TTYH3: variants seen among roughly 807,000 people sequenced by gnomAD.
TTYH3 encodes the protein protein tweety homolog 3.
TTYH3 carries 23 observed loss-of-function variants against 68.2 expected under a neutral mutation model. The observed-to-expected ratio is 0.34, with a 90% CI of 0.24 to 0.48. The LOEUF (loss-of-function observed/expected upper bound fraction) is 0.48, where lower values mean the gene tolerates loss of function less well. Among genes scored for constraint, TTYH3 ranks in the 20% least tolerant of loss-of-function variants. The pLI is 0.99. For missense variants in TTYH3, 768 were observed against 727.7 expected, an observed-to-expected ratio of 1.06 and a Z score of -0.64; for synonymous variants, 360 against 332.8, an observed-to-expected ratio of 1.08 and a Z score of -0.89.
chr7:2,658,213 C>T, intron 11 of TTYH3, 73 bp from the exon 12 acceptor site: 8 of 1,405,258 alleles, frequency 5.7e-6, no homozygotes, highest in Non-Finnish European at 7.6e-6. Context: ...TGCACCAGAA[C>T]TGACCCCCAT....
In TTYH3 at chr7:2,664,698, T is replaced by TTGG. The variant is rs1408509601; in HGVS notation, c.*2960_*2962dup. On this transcript the variant is annotated 3_prime_UTR_variant, in exon 14 of 14. Coordinates refer to ENST00000258796, the MANE Select transcript of TTYH3 (RefSeq NM_025250.3). ...GGTTTGGGGGCTGATTTTTATTTCT[T>TTGG]TGGGGGCTTTTTTTCTTGGCAAATA... is the stretch of plus-strand genomic sequence containing the variant. 6.6e-6 allele frequency: 1 copy of TTGG among 152,328 alleles called. No homozygotes were observed. Among genetic ancestry groups the TTGG allele is most frequent in the East Asian group, 1.9e-4 (1 of 5,266 alleles). 9.4% of individuals were successfully genotyped at this position (152,328 alleles called of 1,614,324 possible).
At chr7:2,641,766 C>A (rs1484570895) in intron 1 of TTYH3, among the ~76,000 whole-genome samples, 2 of 152,364 alleles carry the variant, frequency 1.3e-5, no homozygotes, top group East Asian at 3.9e-4. Context: ...AATCTGGCTT[C>A]GGGAAGTGGG....
At chr7:2,659,146 C>A in intron 13 of TTYH3, 131 bp downstream of exon 13, 1 of 908,516 alleles carries the variant, frequency 1.1e-6, no homozygotes, top group Non-Finnish European at 1.7e-6. Context: ...GCTGCCACCA[C>A]CGGGGTCCCA....
intron 1 of TTYH3, among the ~76,000 whole-genome samples, chr7:2,635,640 C>A (rs913369631): frequency 6.6e-6 from 1 of 152,122 alleles, no homozygotes; most frequent in Non-Finnish European, 1.5e-5. Flanking sequence ...GCCCGGCTGC[C>A]GACAATCAGA....
At chr7:2,639,639 G>A (rs564186354) in intron 1 of TTYH3, among the ~76,000 whole-genome samples, 486 of 152,348 alleles carry the variant, frequency 3.2e-3, no homozygotes, top group Middle Eastern at 0.01. Flanking sequence ...TCAGTGTGGG[G>A]ACTCCGTCCC....
chr7:2,647,200 G>A lies in TTYH3; in HGVS notation c.352G>A (p.Ala118Thr). The A allele has an allele frequency of 6.2e-7, 1 of 1,606,094 alleles. No individual in the cohort carries two copies. Among genetic ancestry groups the A allele is most frequent in the South Asian group, 1.1e-5 (1 of 89,992 alleles). ...GGAGACCAGTGATGGCATCCATAGG[G>A]CCACCTACTCGCTCCGCCACGCCAA... ...NGETSDGIHR[A>T]TYSLRHANRT... The change falls in exon 3 of 14, where the codon GCC (alanine) becomes ACC (threonine). Residue 118 changes from alanine (A) to threonine (T), a missense_variant. Coordinates refer to ENST00000258796, the MANE Select transcript of TTYH3 (RefSeq NM_025250.3).
At chr7:2,654,397 T>G (rs1301018093) in intron 9 of TTYH3, among the ~76,000 whole-genome samples, 2 of 152,088 alleles carry the variant, frequency 1.3e-5, no homozygotes, top group Non-Finnish European at 2.9e-5. Flanking sequence ...CCTGTCTCTC[T>G]CTCTCTTTCT....
intron 4 of TTYH3, 49 bp downstream of exon 4, chr7:2,647,687 C>T (rs1179881344): frequency 5.9e-6 from 9 of 1,520,240 alleles, no homozygotes; most frequent in Admixed American, 2.0e-5. Flanking sequence ...AAAGCATCAC[C>T]CTCCTTGGGC....
intron 8 of TTYH3, 114 bp downstream of exon 8, chr7:2,652,356 C>T: frequency 1.1e-6 from 1 of 912,912 alleles, no homozygotes; most frequent in Admixed American, 2.0e-5. Flanking sequence ...GACTGGGGAA[C>T]TGGGGGAGGG....
rs1416445678 is a variant in TTYH3, at chr7:2,649,653, G to T, written c.795+14G>T. 3 of 1,593,878 alleles carry T rather than the reference G, an allele frequency of 1.9e-6. No individual in the cohort carries two copies. The highest frequency in any genetic ancestry group is 2.6e-6 in the Non-Finnish European group (3 of 1,174,982). ...GCTGTGTCCGTGGTGAGTGGCAGAGGGGGTGAGGTCCCCGGCTGCTGGACC... is the reference window on the plus strand; with the variant it reads ...GCTGTGTCCGTGGTGAGTGGCAGAGTGGGTGAGGTCCCCGGCTGCTGGACC... On this transcript the variant is annotated intron_variant, in intron 6 of 13. Transcript: ENST00000258796.
At chr7:2,655,030 T>G (rs1786294098) in intron 9 of TTYH3, among the ~76,000 whole-genome samples, 1 of 152,242 alleles carries the variant, frequency 6.6e-6, no homozygotes, top group African/African-American at 2.4e-5. Flanking sequence ...TTAAAGGCTG[T>G]GTCTCCAAGT....
intron 1 of TTYH3, among the ~76,000 whole-genome samples, chr7:2,644,381 A>C (rs1785929425): frequency 6.6e-6 from 1 of 152,218 alleles, no homozygotes; most frequent in South Asian, 2.1e-4. Flanking sequence ...CACTGAGCAC[A>C]GAGCATGGGT....
At chr7:2,640,403 T>TTG (rs553148609) in intron 1 of TTYH3, among the ~76,000 whole-genome samples, 3 of 151,212 alleles carry the variant, frequency 2.0e-5, no homozygotes, top group African/African-American at 7.3e-5. Context: ...TGTGTGTGTG[T>TTG]GGGGGGGGAC....
In TTYH3 at chr7:2,656,445, C is replaced by A. The variant is rs1161357601; in HGVS notation, c.1161C>A (p.Gly387=). 1 of 1,611,664 alleles carries A rather than the reference C, an allele frequency of 6.2e-7. No homozygotes were observed. Among genetic ancestry groups the A allele is most frequent in the Admixed American group, 1.7e-5 (1 of 59,988 alleles). The change falls in exon 11 of 14, where the codon GGC becomes GGA. Residue 387 remains glycine (G), a synonymous_variant. Coordinates refer to ENST00000258796, the MANE Select transcript of TTYH3 (RefSeq NM_025250.3). Reference sequence around the variant, plus strand: ...GCTTCTGCTATGACGGCGTGGAGGGCCTCATCTACCTGGCCCTCTTCTCCT... The same window carrying A: ...GCTTCTGCTATGACGGCGTGGAGGGACTCATCTACCTGGCCCTCTTCTCCT... ...LTGFCYDGVE[G]LIYLALFSFV...
intron 1 of TTYH3, among the ~76,000 whole-genome samples, chr7:2,638,115 C>T (rs1046982263): frequency 5.3e-5 from 8 of 152,110 alleles, no homozygotes; most frequent in Admixed American, 4.6e-4. Flanking sequence ...GGGGTTCGGC[C>T]GTGCCCTCTG....
rs756241741 is a variant in TTYH3 at position 2,647,986 on chromosome 7, G to C, written c.654G>C (p.Leu218=). 1 of 1,610,312 alleles carries C rather than the reference G, an allele frequency of 6.2e-7. No homozygotes were observed. The highest frequency in any genetic ancestry group is 1.1e-5 in the South Asian group (1 of 91,088). Residue 218 remains leucine (L), a synonymous_variant, in exon 5 of 14, where the codon CTG becomes CTC. Coordinates refer to ENST00000258796, the MANE Select transcript of TTYH3 (RefSeq NM_025250.3). ...GGCTGGGCTACCTGGGCCTGCTGCT[G>C]CTGGACGTCATCATCTGCCTCCTGG... ...YRWLGYLGLL[L]LDVIICLLVL...
At chr7:2,637,204 C>T (rs1340867910) in intron 1 of TTYH3, among the ~76,000 whole-genome samples, 1 of 192 alleles carries the variant, frequency 5.2e-3, no homozygotes, top group Non-Finnish European at 0.012. Context: ...GACCCCTGGG[C>T]AGGCCCTGCC....
At chr7:2,641,480 G>A (rs866116413) in intron 1 of TTYH3, among the ~76,000 whole-genome samples, 1 of 152,146 alleles carries the variant, frequency 6.6e-6, no homozygotes, top group Non-Finnish European at 1.5e-5. Flanking sequence ...GTCGCCCCCA[G>A]CCCCCTTGGC....
At chr7:2,658,524 G>T in intron 12 of TTYH3, 65 bp downstream of exon 12, 2 of 1,536,668 alleles carry the variant, frequency 1.3e-6, no homozygotes, top group Middle Eastern at 3.9e-4. Context: ...CGCGGATCTG[G>T]GCTGGGGCTA....
Sources: allele counts gnomAD v4.1 joint callset (sites outside exome capture counted in the v4.1 genomes callset), GRCh38; gene constraint gnomAD v4.1.1; transcripts MANE v1.5; gene names NCBI Gene and HGNC (gene_info 2026-07-23, HGNC 2026-07-21).